Variants in LOC101059915 observed in about 807,000 individuals in gnomAD.
chrX:71,668,304 T>C, the LOC101059915 span: 1 of 1,134,529 alleles, frequency 8.8e-7, no homozygotes, highest in East Asian at 3.3e-5. Context: ...TCCACCTCAG[T>C]GTTCCTGGGC....
chrX:71,670,093 C>T, the LOC101059915 span, among the ~76,000 whole-genome samples: 1 of 112,132 alleles, frequency 8.9e-6, no homozygotes, highest in Non-Finnish European at 1.9e-5. Flanking sequence ...GATGGGCTCA[C>T]GAGGGAGAAC....
the LOC101059915 span, chrX:71,668,868 G>A: frequency 1.8e-6 from 2 of 1,102,598 alleles, no homozygotes; most frequent in South Asian, 2.3e-5. Flanking sequence ...CACCTGATCC[G>A]GCTAGCTTCC....
At chrX:71,670,225 G>A in the LOC101059915 span, 7 of 1,163,977 alleles carry the variant, frequency 6.0e-6, no homozygotes, top group Non-Finnish European at 8.0e-6. Context: ...CTCACTGGGC[G>A]GCTTGGAAGC....
At chrX:71,668,584 C>T in the LOC101059915 span, 5 of 1,108,223 alleles carry the variant, frequency 4.5e-6, no homozygotes, top group African/African-American at 7.4e-5. Flanking sequence ...GGTTCAGGGA[C>T]CTCTCCTGAT....
the LOC101059915 span, chrX:71,668,880 G>A: frequency 1.3e-4 from 149 of 1,104,773 alleles, no homozygotes; most frequent in East Asian, 3.1e-4. Flanking sequence ...CTAGCTTCCC[G>A]CCAGTGTCTG....
the LOC101059915 span, chrX:71,670,235 C>G: frequency 8.6e-7 from 1 of 1,166,491 alleles, no homozygotes; most frequent in Non-Finnish European, 1.1e-6. Context: ...GGCTTGGAAG[C>G]TGGATTTTGT....
the LOC101059915 span, chrX:71,668,229 T>C: frequency 6.3e-6 from 7 of 1,116,879 alleles, no homozygotes; most frequent in African/African-American, 1.1e-4. Flanking sequence ...TGGAGGTCGG[T>C]CCCAGTTGGA....
chrX:71,671,170 T>C, the LOC101059915 span: 1 of 1,164,599 alleles, frequency 8.6e-7, no homozygotes, highest in South Asian at 1.9e-5. Flanking sequence ...TCTGTTTCCC[T>C]GGGTCTGGAG....
chrX:71,668,787 C>T, the LOC101059915 span: 16 of 1,074,546 alleles, frequency 1.5e-5, no homozygotes, highest in Admixed American at 6.6e-4. Context: ...AGAAGAAATC[C>T]CTAGAGGGTG....
chrX:71,670,997 G>A, the LOC101059915 span: 1 of 752,652 alleles, frequency 1.3e-6, no homozygotes, highest in African/African-American at 2.3e-5. Flanking sequence ...TTTGAAACAT[G>A]TTCTGAACGG....
the LOC101059915 span, chrX:71,669,494 C>T: frequency 1.1e-6 from 1 of 906,771 alleles, no homozygotes; most frequent in Admixed American, 5.4e-5. Context: ...CTTAACACAA[C>T]CCCTCCCCAT....
At chrX:71,670,583 T>C in the LOC101059915 span, 2 of 1,097,463 alleles carry the variant, frequency 1.8e-6, no homozygotes, top group Non-Finnish European at 2.4e-6. Flanking sequence ...GACTAACCAT[T>C]TCTTTTCCAC....
the LOC101059915 span, chrX:71,668,898 G>C: frequency 9.0e-7 from 1 of 1,117,058 alleles, no homozygotes; most frequent in Non-Finnish European, 1.2e-6. Flanking sequence ...CTGGCGTGGG[G>C]CTCCTGGGGA....
the LOC101059915 span, chrX:71,668,772 C>T: frequency 9.4e-7 from 1 of 1,069,208 alleles, no homozygotes; most frequent in South Asian, 2.6e-5. Context: ...GGAAGGTGGC[C>T]CAGGAGAAGA....
At chrX:71,668,833 TG>T in the LOC101059915 span, 1 of 1,084,852 alleles carries the variant, frequency 9.2e-7, no homozygotes. Flanking sequence ...CTTTCCTGCC[TG>T]GGGGCAGAGA....
At chrX:71,669,884 C>T in the LOC101059915 span, among the ~76,000 whole-genome samples, 6 of 80,215 alleles carry the variant, frequency 7.5e-5, no homozygotes, top group African/African-American at 2.9e-4. Flanking sequence ...CCACATCGTC[C>T]TCTCTGAGTG....
the LOC101059915 span, chrX:71,670,823 G>A: frequency 1.3e-4 from 97 of 752,300 alleles, no homozygotes; most frequent in African/African-American, 2.2e-3. Context: ...TTTTCAGCTA[G>A]GGGTGTGCAC....
At chrX:71,669,059 G>C in the LOC101059915 span, 6 of 1,148,364 alleles carry the variant, frequency 5.2e-6, no homozygotes, top group Non-Finnish European at 6.9e-6. Context: ...TTCTCTTCGC[G>C]CACTCCTCCT....
At chrX:71,669,598 C>G in the LOC101059915 span, 1 of 963,579 alleles carries the variant, frequency 1.0e-6, no homozygotes, top group Non-Finnish European at 1.3e-6. Context: ...TCTGTCCGTG[C>G]GTCGTGGAGA....
Sources: gnomAD v4.1 joint callset for allele counts (sites outside exome capture counted in the v4.1 genomes callset) on GRCh38, gnomAD v4.1.1 for gene constraint, MANE v1.5 for transcripts.